Variants in SOAT2 observed in about 807,000 individuals in gnomAD.
SOAT2 encodes sterol O-acyltransferase 2.
SOAT2 carries 87 observed loss-of-function variants against 76.0 expected under a neutral mutation model. The ratio of observed to expected loss-of-function variants is 1.14; its 90% confidence interval spans 0.96 to 1.37. SOAT2 has a LOEUF of 1.37. Among genes scored for constraint, SOAT2 ranks in the 40% most tolerant of loss-of-function variants. The pLI, the probability that SOAT2 is intolerant of heterozygous loss-of-function variation, is 0.00. For missense variants in SOAT2, 686 were observed against 682.1 expected (o/e 1.01, Z -0.06); for synonymous variants, 285 against 275.4 (o/e 1.03, Z -0.34).
intron 7 of SOAT2, 34 bp downstream of exon 7, chr12:53,116,200 G>C (rs372141601): frequency 1.8e-5 from 28 of 1,587,466 alleles, no homozygotes; most frequent in Non-Finnish European, 2.2e-5. Context: ...TGTGAACTCA[G>C]TCCTCTTGGC....
At chr12:53,119,820 C>T (rs1217587518) in intron 10 of SOAT2, among the ~76,000 whole-genome samples, 1 of 152,152 alleles carries the variant, frequency 6.6e-6, no homozygotes, top group Non-Finnish European at 1.5e-5. Context: ...TACTATGACC[C>T]ACCTGTTTCT....
intron 2 of SOAT2, 90 bp from the exon 3 acceptor site, chr12:53,105,017 T>G: frequency 7.9e-7 from 1 of 1,271,228 alleles, no homozygotes; most frequent in Non-Finnish European, 1.1e-6. Context: ...GCACTGTGCC[T>G]GGCATAGACA....
At chr12:53,104,076 C>A in intron 1 of SOAT2, 75 bp from the exon 2 acceptor site, 3 of 1,270,638 alleles carry the variant, frequency 2.4e-6, no homozygotes, top group Non-Finnish European at 2.3e-6. Context: ...AAAGCATTTC[C>A]TGACCACAGG....
chr12:53,113,862 G>C (rs1280419176), intron 5 of SOAT2, among the ~76,000 whole-genome samples: 1 of 152,110 alleles, frequency 6.6e-6, no homozygotes, highest in Admixed American at 6.5e-5. Flanking sequence ...CCAGGTGCTG[G>C]GGTGATTACC....
At chr12:53,114,393 C>T (rs1049878093) in intron 5 of SOAT2, among the ~76,000 whole-genome samples, 4 of 152,120 alleles carry the variant, frequency 2.6e-5, no homozygotes, top group Non-Finnish European at 5.9e-5. Context: ...TTCTTGACCG[C>T]CTCCTTCAAT....
At chr12:53,105,520 C>T (rs542869969) in intron 3 of SOAT2, 41 bp from the exon 4 acceptor site, 9 of 1,582,408 alleles carry the variant, frequency 5.7e-6, no homozygotes, top group Non-Finnish European at 7.8e-6. Flanking sequence ...GCCCTCTGCC[C>T]ATTTACTTTT....
chr12:53,106,237 C>T (rs10876405), intron 5 of SOAT2, among the ~76,000 whole-genome samples: 28,335 of 152,180 alleles, frequency 0.19, 3,348 homozygotes, highest in African/African-American at 0.34. Context: ...GGGCCGGCCA[C>T]TCTCAAATGC....
intron 12 of SOAT2, among the ~76,000 whole-genome samples, chr12:53,122,576 C>CA (rs1229283676): frequency 6.6e-6 from 1 of 151,952 alleles, no homozygotes; most frequent in East Asian, 1.9e-4. Flanking sequence ...TAGCAAAGCA[C>CA]ATCTTGCACC....
rs1189772520 is a variant in SOAT2, at chr12:53,119,235, C to T, written c.1021C>T (p.Leu341=). 2.3e-5 allele frequency: 37 copies of T among 1,613,972 alleles called. No homozygotes were observed. Among genetic ancestry groups the T allele is most frequent in the Non-Finnish European group, 2.9e-5 (34 of 1,180,010 alleles). ...FSTRALVLSI[L]HATLPGIFML... ...CACCCGTGCCCTGGTGCTCTCTATC[C>T]TGCATGCCACGTTGCCAGGTGAGCC... The change falls in exon 10 of 15, where the codon CTG becomes TTG. Residue 341 remains leucine (L), a synonymous_variant. Transcript: ENST00000301466.
intron 12 of SOAT2, among the ~76,000 whole-genome samples, chr12:53,122,435 A>AAACC (rs1343431079): frequency 9.9e-6 from 1 of 101,130 alleles, no homozygotes; most frequent in African/African-American, 6.7e-5. Flanking sequence ...GTCAGCAGAT[A>AAACC]AGTGAACAAA....
At chr12:53,123,958 C>A (rs1004445357) in intron 14 of SOAT2, 85 bp downstream of exon 14, 14 of 1,603,544 alleles carry the variant, frequency 8.7e-6, no homozygotes, top group Non-Finnish European at 1.0e-5. Flanking sequence ...CCCAACTCAC[C>A]GGCCACAGTC....
At chr12:53,118,974 G>A in intron 9 of SOAT2, 39 bp downstream of exon 9, 1 of 1,613,222 alleles carries the variant, frequency 6.2e-7, no homozygotes, top group Non-Finnish European at 8.5e-7. Flanking sequence ...TGTGACTCAT[G>A]GTGGTGGAGA....
chr12:53,121,948 C>T (rs970484733), intron 12 of SOAT2, among the ~76,000 whole-genome samples: 5 of 151,580 alleles, frequency 3.3e-5, no homozygotes, highest in Non-Finnish European at 5.9e-5. Context: ...GCTGGGACTA[C>T]ACGCAAATGC....
At chr12:53,116,715 A>T (rs1305207751) in intron 7 of SOAT2, among the ~76,000 whole-genome samples, 2 of 152,008 alleles carry the variant, frequency 1.3e-5, no homozygotes, top group Non-Finnish European at 2.9e-5. Flanking sequence ...AAAACTTTTT[A>T]AAATTAGCCA....
rs946031128 is a variant in SOAT2, at chr12:53,123,004, CG to C, written c.1237-71del. 2.5e-5 allele frequency: 35 copies of C among 1,428,470 alleles called. No individual in the cohort carries two copies. The African/African-American group carries it at 4.4e-4, about 18-fold the overall frequency. 88.5% of individuals were successfully genotyped at this position (1,428,470 alleles called of 1,614,324 possible). On this transcript the variant is annotated intron_variant, in intron 12 of 14. Coordinates refer to ENST00000301466, the MANE Select transcript of SOAT2 (RefSeq NM_003578.4). ...CTGCCGGACTGGGCGGCTGGCCGGGCGGGGGGCTGGAGGTGGGGGCTCTTTG... is the reference window on the plus strand; with the variant it reads ...CTGCCGGACTGGGCGGCTGGCCGGGCGGGGGCTGGAGGTGGGGGCTCTTTG...
At chr12:53,117,952 G>A (rs1480314185) in intron 7 of SOAT2, among the ~76,000 whole-genome samples, 1 of 152,218 alleles carries the variant, frequency 6.6e-6, no homozygotes, top group Non-Finnish European at 1.5e-5. Context: ...GTCTCTTGCA[G>A]GGTTGCCACA....
intron 5 of SOAT2, among the ~76,000 whole-genome samples, chr12:53,109,424 G>A (rs12578495): frequency 0.19 from 28,227 of 151,734 alleles, 3,318 homozygotes; most frequent in African/African-American, 0.35. Flanking sequence ...TACCAAATAA[G>A]CCAAATTTCA....
intron 10 of SOAT2, among the ~76,000 whole-genome samples, chr12:53,119,698 T>A (rs1938161428): frequency 6.6e-6 from 1 of 152,106 alleles, no homozygotes; most frequent in African/African-American, 2.4e-5. Context: ...TACTGGCCCC[T>A]CAGCTTGAAA....
Position 53,103,573 on chromosome 12 carries a change from G to A in SOAT2, c.-5G>A, listed in dbSNP as rs924937589. On this transcript the variant is annotated 5_prime_UTR_variant, in exon 1 of 15. Transcript: ENST00000301466. ...GGCTGCCTGCTGCCCGCTGGAGACC[G>A]CACCATGGAGCCAGGCGGGGCCCGT... is the stretch of plus-strand genomic sequence containing the variant. 3.9e-6 allele frequency: 6 copies of A among 1,545,652 alleles called. No individual in the cohort carries two copies. The highest frequency in any genetic ancestry group is 3.5e-6 in the Non-Finnish European group (4 of 1,146,796).
Sources: gnomAD v4.1 joint callset for allele counts (sites outside exome capture counted in the v4.1 genomes callset) on GRCh38, gnomAD v4.1.1 for gene constraint, MANE v1.5 for transcripts, NCBI Gene and HGNC (gene_info 2026-07-23, HGNC 2026-07-21) for gene names.